MYO16: variants seen among roughly 807,000 people sequenced by gnomAD.
The protein encoded by MYO16 is myosin XVI, also known as unconventional myosin-XVI.
In MYO16, 94 loss-of-function variants were observed where a neutral mutation model predicts 205.3. The observed-to-expected ratio is 0.46, with a 90% CI of 0.39 to 0.54. The LOEUF is 0.54. MYO16 is among the 20% of genes least tolerant of loss of function. The pLI, the probability that MYO16 is intolerant of heterozygous loss-of-function variation, is 0.00. For synonymous variants in MYO16, 988 were observed against 954.0 expected, an observed-to-expected ratio of 1.04 and a Z score of -0.66; for missense variants, 2,315 against 2,387.5, an observed-to-expected ratio of 0.97 and a Z score of 0.63.
chr13:108,747,661 A>G (rs1256073055), intron 4 of MYO16, among the ~76,000 whole-genome samples: 1 of 152,190 alleles, frequency 6.6e-6, no homozygotes, highest in East Asian at 1.9e-4. Flanking sequence ...AGTTACAAAC[A>G]CACAGATTAA....
At chr13:108,707,488 G>T (rs1301742640) in intron 2 of MYO16, among the ~76,000 whole-genome samples, 1 of 152,138 alleles carries the variant, frequency 6.6e-6, no homozygotes, top group African/African-American at 2.4e-5. Flanking sequence ...CTCAGTCTTT[G>T]ATTGCAGGCC....
At chr13:109,059,118 AC>A (rs1276550816) in intron 27 of MYO16, among the ~76,000 whole-genome samples, 1 of 152,086 alleles carries the variant, frequency 6.6e-6, no homozygotes, top group African/African-American at 2.4e-5. Context: ...GGCGTATTGA[AC>A]CCCTCAAAGT....
At chr13:108,534,661 T>C in the MYO16 span, among the ~76,000 whole-genome samples, 2 of 152,064 alleles carry the variant, frequency 1.3e-5, no homozygotes, top group Non-Finnish European at 2.9e-5. Context: ...CTGCTCTTCA[T>C]TGGCTCATTT....
Position 108,823,190 on chromosome 13 carries a change from A to T in MYO16, c.1009A>T (p.Met337Leu), listed in dbSNP as rs1285880015. The T allele has an allele frequency of 3.1e-6, 5 of 1,613,152 alleles. No individual in the cohort carries two copies. Among genetic ancestry groups the T allele is most frequent in the Non-Finnish European group, 4.2e-6 (5 of 1,179,542 alleles). Reference protein sequence around the residue: ...LKAEIAWEEKMKEPLSASTLA... With the variant: ...LKAEIAWEEKLKEPLSASTLA... ...AGCCGAAATTGCCTGGGAAGAAAAAATGAAAGAGCCTTTATCTGCTTCTAC... is the reference window on the plus strand; with the variant it reads ...AGCCGAAATTGCCTGGGAAGAAAAATTGAAAGAGCCTTTATCTGCTTCTAC... The change falls in exon 9 of 35, where the codon ATG becomes TTG. Residue 337 changes from methionine to leucine, a missense_variant. Physicochemically the swap from Met to Leu is conservative, Grantham distance 15. Coordinates refer to ENST00000457511, the MANE Select transcript of MYO16 (RefSeq NM_001198950.3).
intron 4 of MYO16, among the ~76,000 whole-genome samples, chr13:108,775,901 C>T (rs1039123592): frequency 2.0e-5 from 3 of 152,142 alleles, no homozygotes; most frequent in African/African-American, 4.8e-5. Flanking sequence ...TTGGAGTATT[C>T]GAAGCACGTC....
At chr13:108,794,105 T>C (rs1367950370) in intron 6 of MYO16, among the ~76,000 whole-genome samples, 1 of 152,126 alleles carries the variant, frequency 6.6e-6, no homozygotes, top group Non-Finnish European at 1.5e-5. Context: ...ATTTTCTTAC[T>C]CATAAGTGGG....
chr13:109,036,796 A>T (rs1886731941), intron 23 of MYO16, among the ~76,000 whole-genome samples: 1 of 152,202 alleles, frequency 6.6e-6, no homozygotes, highest in Admixed American at 6.5e-5. Flanking sequence ...AAAAATAAAT[A>T]CATAAAGCCT....
chr13:108,915,258 A>G (rs1463799741), intron 16 of MYO16, among the ~76,000 whole-genome samples: 1 of 152,218 alleles, frequency 6.6e-6, no homozygotes, highest in South Asian at 2.1e-4. Flanking sequence ...CAAGAAAAAA[A>G]GTCTGTAGGT....
chr13:108,831,693 A>G (rs1294747166), intron 9 of MYO16, among the ~76,000 whole-genome samples: 1 of 152,106 alleles, frequency 6.6e-6, no homozygotes, highest in Non-Finnish European at 1.5e-5. Context: ...TTGTAATTTT[A>G]CTAGAGACAG....
chr13:108,726,214 T>G (rs1176547232), intron 3 of MYO16, among the ~76,000 whole-genome samples: 3 of 152,204 alleles, frequency 2.0e-5, no homozygotes, highest in Non-Finnish European at 2.9e-5. Context: ...TTTTAAAAAC[T>G]AATTGTACTA....
intron 27 of MYO16, among the ~76,000 whole-genome samples, chr13:109,057,543 G>T (rs1831620867): frequency 6.6e-6 from 1 of 152,064 alleles, no homozygotes; most frequent in Non-Finnish European, 1.5e-5. Flanking sequence ...ATCACTGACT[G>T]TTGCAGGGCT....
intron 2 of MYO16, among the ~76,000 whole-genome samples, chr13:108,682,284 G>C (rs74870540): frequency 1.3e-5 from 2 of 152,150 alleles, no homozygotes; most frequent in Non-Finnish European, 2.9e-5. Context: ...GGACCTTGCC[G>C]TTCCTTGAAT....
chr13:108,935,017 T>C (rs895663604), intron 16 of MYO16, among the ~76,000 whole-genome samples: 4 of 152,214 alleles, frequency 2.6e-5, no homozygotes, highest in African/African-American at 7.2e-5. Flanking sequence ...ATGTTTGGGT[T>C]ACTCTAGCCT....
chr13:108,725,978 C>G (rs195246), intron 3 of MYO16, among the ~76,000 whole-genome samples: 1,753 of 152,160 alleles, frequency 0.012, 22 homozygotes, highest in African/African-American at 0.04. Context: ...TTGATTCAAG[C>G]AGGAAGGTAC....
intron 4 of MYO16, among the ~76,000 whole-genome samples, chr13:108,748,642 A>G (rs1280078597): frequency 6.6e-6 from 1 of 152,158 alleles, no homozygotes; most frequent in African/African-American, 2.4e-5. Flanking sequence ...ATAGAGATCA[A>G]TGAAACAAGG....
intron 4 of MYO16, among the ~76,000 whole-genome samples, chr13:108,747,836 A>G (rs1885114657): frequency 6.6e-6 from 1 of 152,150 alleles, no homozygotes; most frequent in Non-Finnish European, 1.5e-5. Context: ...ATGAAAAAAG[A>G]TCTATGATGC....
chr13:108,606,052 T>C (rs931207252), intron 1 of MYO16, among the ~76,000 whole-genome samples: 1 of 152,204 alleles, frequency 6.6e-6, no homozygotes, highest in Non-Finnish European at 1.5e-5. Flanking sequence ...AGGAGACTGA[T>C]GGCATTTTTC....
In MYO16 at chr13:109,141,346, G is replaced by T; in HGVS notation, c.5134G>T (p.Ala1712Ser). The change falls in exon 32 of 35, where the codon GCG (alanine) becomes TCG (serine). Residue 1712 changes from alanine (A) to serine (S), a missense_variant. By Grantham distance (99) the Ala-to-Ser change is moderately conservative. Transcript: ENST00000457511. This position sits in a 1 kb window ranked among gnomAD's most constrained non-coding sequence, Gnocchi z 4.1. ...NSGRSVLRKS[A>S]AGRKIREAEG... ...GGGGAGGAGTGTGCTTCGGAAATCC[G>T]CGGCGGGAAGAAAAATCAGGGAAGC... 6.5e-7 allele frequency: 1 copy of T among 1,548,354 alleles called. No homozygotes were observed. The highest frequency in any genetic ancestry group is 8.7e-7 in the Non-Finnish European group (1 of 1,151,356).
chr13:108,818,143 G>A (rs1875741445), intron 7 of MYO16, among the ~76,000 whole-genome samples: 2 of 152,002 alleles, frequency 1.3e-5, no homozygotes, highest in African/African-American at 4.8e-5. Flanking sequence ...CAGCAATTTG[G>A]GAGACCAAGT....
Sources: gnomAD v4.1 joint callset for allele counts (sites outside exome capture counted in the v4.1 genomes callset) on GRCh38, gnomAD v4.1.1 for gene constraint, Gnocchi (gnomAD v3.1) non-coding constraint, MANE v1.5 for transcripts, NCBI Gene and HGNC (gene_info 2026-07-23, HGNC 2026-07-21) for gene names.